The following SLC39A11 variants were observed in gnomAD, a reference collection of about 807,000 sequenced individuals.
SLC39A11 encodes the protein solute carrier family 39 member 11, also known as zinc transporter ZIP11.
In SLC39A11, 33 loss-of-function variants were observed where a neutral mutation model predicts 36.1. The ratio of observed to expected loss-of-function variants is 0.91; its 90% CI spans 0.69 to 1.22. The LOEUF (loss-of-function observed/expected upper bound fraction) is 1.22. Among genes scored for constraint, SLC39A11 ranks in the 50% most tolerant of loss-of-function variants. The probability of loss-of-function intolerance (pLI) is 0.00; values close to 1 mark genes in which losing one functional copy is unlikely to be tolerated. For missense variants in SLC39A11, 432 were observed against 430.3 expected (o/e 1.00, Z -0.03); for synonymous variants, 166 against 170.3 (o/e 0.97, Z 0.20).
chr17:72,766,191 G>C (rs2075752760), intron 6 of SLC39A11, among the ~76,000 whole-genome samples: 1 of 152,162 alleles, frequency 6.6e-6, no homozygotes, highest in Non-Finnish European at 1.5e-5. Context: ...GGTGAGGATG[G>C]AGTGAGATGG....
intron 7 of SLC39A11, among the ~76,000 whole-genome samples, chr17:72,717,118 G>GTATATACTTATATGTGTA (rs1567979336): frequency 6.6e-5 from 8 of 120,906 alleles, no homozygotes; most frequent in African/African-American, 2.9e-4. Flanking sequence ...ATGTATATAT[G>GTATATACTTATATGTGTA]TATATATGTA....
intron 5 of SLC39A11, among the ~76,000 whole-genome samples, chr17:72,852,583 GC>G (rs1323404264): frequency 6.6e-6 from 1 of 152,088 alleles, no homozygotes; most frequent in East Asian, 1.9e-4. Context: ...GTGTGTGTGT[GC>G]ATGTGTGCAT....
At chr17:72,785,935 TA>T (rs72061957) in intron 6 of SLC39A11, among the ~76,000 whole-genome samples, 3 of 151,932 alleles carry the variant, frequency 2.0e-5, no homozygotes, top group East Asian at 3.9e-4. Context: ...CGTTTATGCT[TA>T]AAAAAAATTA....
intron 6 of SLC39A11, among the ~76,000 whole-genome samples, chr17:72,846,018 C>CTCTTTTTTTTTTTTTT (rs2079035587): frequency 3.5e-5 from 2 of 57,950 alleles, no homozygotes; most frequent in Non-Finnish European, 2.8e-5. Flanking sequence ...CTCTCTCTCT[C>CTCTTTTTTTTTTTTTT]TTTTTTTTTT....
chr17:72,896,614 G>A (rs1385776490), intron 5 of SLC39A11, among the ~76,000 whole-genome samples: 1 of 152,080 alleles, frequency 6.6e-6, no homozygotes, highest in Non-Finnish European at 1.5e-5. Flanking sequence ...CACAGAGGGG[G>A]ATGCACATCT....
At chr17:73,057,289 A>AG (rs1487695122) in intron 3 of SLC39A11, among the ~76,000 whole-genome samples, 16 of 152,338 alleles carry the variant, frequency 1.1e-4, no homozygotes, top group Admixed American at 1.0e-3. Context: ...ACTGGTTTGC[A>AG]GGGGCATCTA....
intron 6 of SLC39A11, among the ~76,000 whole-genome samples, chr17:72,789,128 G>A (rs919027001): frequency 3.2e-4 from 49 of 151,446 alleles, no homozygotes; most frequent in African/African-American, 9.7e-4. Flanking sequence ...TCTGCCTCCC[G>A]GGTCCAAGCG....
intron 4 of SLC39A11, among the ~76,000 whole-genome samples, chr17:72,984,618 T>C (rs1223352415): frequency 1.3e-5 from 2 of 152,156 alleles, no homozygotes; most frequent in African/African-American, 2.4e-5. Flanking sequence ...AGGCCTCTGG[T>C]GGGCCCAGCA....
In SLC39A11 at chr17:72,981,840, G is replaced by C. The variant is rs373170423; in HGVS notation, c.307-33965C>G. On this transcript the variant is annotated intron_variant, in intron 4 of 9. Transcript: ENST00000255559. ...CAAGGAGCTCCAAAATAATGAGTTA[G>C]GAAAGACCAACCATGGAACAGAAAA... Among the ~76,000 whole-genome samples, 4 of 135,240 alleles carry C rather than the reference G, an allele frequency of 3.0e-5. No homozygotes were observed. In the South Asian group the frequency reaches 9.0e-4, roughly 30 times the overall value. 88.7% of individuals were successfully genotyped at this position (135,240 alleles called of 152,430 possible).
intron 5 of SLC39A11, among the ~76,000 whole-genome samples, chr17:72,857,916 T>G (rs1209243740): frequency 6.6e-6 from 1 of 152,248 alleles, no homozygotes; most frequent in Non-Finnish European, 1.5e-5. Flanking sequence ...TTTCTCCCAT[T>G]CTGTAGGTTG....
chr17:72,805,535 C>G (rs1757668918), intron 6 of SLC39A11, among the ~76,000 whole-genome samples: 1 of 152,184 alleles, frequency 6.6e-6, no homozygotes, highest in Non-Finnish European at 1.5e-5. Flanking sequence ...CAGATTTATA[C>G]TCAGGAGTGC....
intron 5 of SLC39A11, among the ~76,000 whole-genome samples, chr17:72,898,459 C>T (rs2082143306): frequency 6.6e-6 from 1 of 152,216 alleles, no homozygotes; most frequent in East Asian, 1.9e-4. Flanking sequence ...GCATGAATTT[C>T]TGGGCTTCTC....
chr17:72,826,893 G>A (rs2078051898), intron 6 of SLC39A11, among the ~76,000 whole-genome samples: 1 of 152,166 alleles, frequency 6.6e-6, no homozygotes, highest in Admixed American at 6.5e-5. Flanking sequence ...CTCCTATATT[G>A]CTGATAGGAA....
intron 3 of SLC39A11, among the ~76,000 whole-genome samples, chr17:73,063,910 C>T (rs2059921358): frequency 6.6e-6 from 1 of 152,132 alleles, no homozygotes; most frequent in Non-Finnish European, 1.5e-5. Flanking sequence ...TCCCTTCCTC[C>T]ATCTTAAATA....
At chr17:72,867,789 C>T (rs1271173909) in intron 5 of SLC39A11, among the ~76,000 whole-genome samples, 4 of 151,730 alleles carry the variant, frequency 2.6e-5, no homozygotes, top group South Asian at 2.1e-4. Flanking sequence ...CACACACACA[C>T]GCACACACAC....
intron 6 of SLC39A11, among the ~76,000 whole-genome samples, chr17:72,747,132 C>T (rs2074971808): frequency 6.6e-6 from 1 of 152,130 alleles, no homozygotes; most frequent in Admixed American, 6.5e-5. Context: ...ACAGGGTGTG[C>T]CCACCTCCAG....
rs190052906 is a variant in SLC39A11, at chr17:73,016,508, A to G, written c.306+15048T>C. 1.1e-3 allele frequency among the ~76,000 whole-genome samples: 167 copies of G among 152,070 alleles called. No individual in the cohort carries two copies. The East Asian group carries it at 0.018, about 16-fold the overall frequency. On this transcript the variant is annotated intron_variant, in intron 4 of 9. Coordinates refer to ENST00000255559, the MANE Select transcript of SLC39A11 (RefSeq NM_139177.4). ...ACCACCACACTCTGCTAAGTTTTGT[A>G]TTTTTAGTACAGACAGGGTTTCATC...
At chr17:72,771,717 G>A (rs532424812) in intron 6 of SLC39A11, among the ~76,000 whole-genome samples, 7 of 152,256 alleles carry the variant, frequency 4.6e-5, no homozygotes, top group African/African-American at 1.7e-4. Context: ...TGCAATTGAG[G>A]ATTTATAAGA....
At chr17:73,024,353 G>T (rs2058457868) in intron 4 of SLC39A11, among the ~76,000 whole-genome samples, 1 of 152,184 alleles carries the variant, frequency 6.6e-6, no homozygotes, top group South Asian at 2.1e-4. Flanking sequence ...CCTAAAAATG[G>T]GGCAAAGGGC....
Sources: gnomAD v4.1 joint callset for allele counts (sites outside exome capture counted in the v4.1 genomes callset) on GRCh38, gnomAD v4.1.1 for gene constraint, MANE v1.5 for transcripts, NCBI Gene and HGNC (gene_info 2026-07-23, HGNC 2026-07-21) for gene names.